LRRTM4: variants seen among roughly 807,000 people sequenced by gnomAD.
LRRTM4 encodes the protein leucine-rich repeat transmembrane neuronal protein 4.
A neutral mutation model predicts 47.6 loss-of-function variants in LRRTM4; 25 were observed. The observed-to-expected ratio is 0.53, with a 90% CI of 0.38 to 0.73. The LOEUF (loss-of-function observed/expected upper bound fraction) is 0.73. LRRTM4 is among the 30% of genes least tolerant of loss of function. The pLI is 0.00. For synonymous variants in LRRTM4, 311 were observed against 269.5 expected (o/e 1.15, Z -1.51); for missense variants, 638 against 713.4 (o/e 0.89, Z 1.20).
chr2:77,417,770 G>T (rs553847548), intron 3 of LRRTM4, among the ~76,000 whole-genome samples: 1 of 151,220 alleles, frequency 6.6e-6, no homozygotes, highest in African/African-American at 2.4e-5. Flanking sequence ...TTGTTGGGGG[G>T]GAAGGGGGGA....
chr2:77,195,996 G>T (rs1186865973), intron 3 of LRRTM4, among the ~76,000 whole-genome samples: 1 of 152,078 alleles, frequency 6.6e-6, no homozygotes, highest in Non-Finnish European at 1.5e-5. Context: ...CTGACAAGAA[G>T]AAACTAATCC....
chr2:76,790,972 C>T (rs1674940773), intron 3 of LRRTM4, among the ~76,000 whole-genome samples: 1 of 152,030 alleles, frequency 6.6e-6, no homozygotes, highest in South Asian at 2.1e-4. Flanking sequence ...ACATGGAAAA[C>T]ATGGTCCACA....
chr2:76,749,877 A>G (rs1375770176), intron 3 of LRRTM4, among the ~76,000 whole-genome samples: 1 of 152,226 alleles, frequency 6.6e-6, no homozygotes, highest in Non-Finnish European at 1.5e-5. Context: ...TTGATGAACA[A>G]TCCACAGATG....
intron 3 of LRRTM4, among the ~76,000 whole-genome samples, chr2:77,150,873 G>A (rs1298989252): frequency 6.6e-6 from 1 of 151,986 alleles, no homozygotes; most frequent in African/African-American, 2.4e-5. Flanking sequence ...CCTTGCCATA[G>A]TCTTTATTTG....
chr2:77,089,784 T>C, intron 3 of LRRTM4, among the ~76,000 whole-genome samples: 1 of 152,154 alleles, frequency 6.6e-6, no homozygotes, highest in East Asian at 1.9e-4. Context: ...TCGACAGTAG[T>C]TCCAAATAGC....
At chr2:77,148,667 G>A (rs764248599) in intron 3 of LRRTM4, among the ~76,000 whole-genome samples, 4 of 152,146 alleles carry the variant, frequency 2.6e-5, no homozygotes, top group Non-Finnish European at 4.4e-5. Context: ...TTAAAAAAGG[G>A]AATAGAAAGC....
At chr2:77,404,489 T>A (rs1159740842) in intron 3 of LRRTM4, among the ~76,000 whole-genome samples, 1 of 152,044 alleles carries the variant, frequency 6.6e-6, no homozygotes, top group East Asian at 1.9e-4. Flanking sequence ...ATGACACACT[T>A]AAATCTTTCA....
intron 3 of LRRTM4, among the ~76,000 whole-genome samples, chr2:76,894,892 T>C (rs1673363051): frequency 6.6e-6 from 1 of 151,538 alleles, no homozygotes; most frequent in Non-Finnish European, 1.5e-5. Context: ...TAGTCTCATA[T>C]CTGCACATAG....
rs1021516512 is a variant in LRRTM4 at position 77,158,630 on chromosome 2, T to G, written c.1551+359688A>C. ...TATTTTTCATATAGTCTGATAAATT[T>G]TGCTATTAAGACAAGCAGTTTGTCT... On this transcript the variant is annotated intron_variant, in intron 3 of 3. Transcript: ENST00000409884. Among the ~76,000 whole-genome samples the G allele has an allele frequency of 2.6e-5, 4 of 152,114 alleles. No individual in the cohort carries two copies. The South Asian group carries it at 8.3e-4, about 31-fold the overall frequency.
chr2:77,362,119 A>AAGAAAGAG (rs1411398747), intron 3 of LRRTM4, among the ~76,000 whole-genome samples: 16 of 101,894 alleles, frequency 1.6e-4, no homozygotes, highest in African/African-American at 4.9e-4. Context: ...GAAAGAGAGA[A>AAGAAAGAG]AGAAAGAAAG....
chr2:76,868,127 A>T (rs1428335541), intron 3 of LRRTM4, among the ~76,000 whole-genome samples: 1 of 152,232 alleles, frequency 6.6e-6, no homozygotes, highest in Non-Finnish European at 1.5e-5. Flanking sequence ...TCAGGAATGT[A>T]AAGTCATCTG....
At chr2:77,224,054 C>T (rs530884617) in intron 3 of LRRTM4, among the ~76,000 whole-genome samples, 78 of 151,052 alleles carry the variant, frequency 5.2e-4, no homozygotes, top group Non-Finnish European at 8.6e-4. Context: ...GAAATGATGC[C>T]GCATATCTAC....
chr2:77,241,470 A>G (rs1675265826), intron 3 of LRRTM4, among the ~76,000 whole-genome samples: 1 of 152,068 alleles, frequency 6.6e-6, no homozygotes, highest in African/African-American at 2.4e-5. Flanking sequence ...TAAAAATGCA[A>G]TATGATTTCT....
At chr2:77,149,098 T>C (rs1264708087) in intron 3 of LRRTM4, among the ~76,000 whole-genome samples, 1 of 152,194 alleles carries the variant, frequency 6.6e-6, no homozygotes, top group Non-Finnish European at 1.5e-5. Context: ...TAGTAAGTAC[T>C]GTGACCACTA....
intron 3 of LRRTM4, among the ~76,000 whole-genome samples, chr2:77,294,688 T>C (rs1046739959): frequency 6.6e-6 from 1 of 152,146 alleles, no homozygotes; most frequent in Non-Finnish European, 1.5e-5. Flanking sequence ...TAGATTTATG[T>C]TCTTCTCAGA....
chr2:76,907,178 G>C (rs1673873106), intron 3 of LRRTM4, among the ~76,000 whole-genome samples: 1 of 151,836 alleles, frequency 6.6e-6, no homozygotes, highest in Non-Finnish European at 1.5e-5. Context: ...TAGAACTCAG[G>C]ATTAAGAAAC....
At chr2:76,832,123 G>A (rs1474121906) in intron 3 of LRRTM4, among the ~76,000 whole-genome samples, 1 of 151,922 alleles carries the variant, frequency 6.6e-6, no homozygotes, top group African/African-American at 2.4e-5. Flanking sequence ...ATAATACACT[G>A]GCAGGAACAA....
intron 3 of LRRTM4, among the ~76,000 whole-genome samples, chr2:77,430,460 G>A (rs1440464417): frequency 1.3e-5 from 2 of 152,214 alleles, no homozygotes; most frequent in East Asian, 1.9e-4. Context: ...AGCGGCTCAT[G>A]GCTGTAATCC....
At chr2:77,501,959 G>A (rs892221792) in intron 3 of LRRTM4, among the ~76,000 whole-genome samples, 2 of 151,188 alleles carry the variant, frequency 1.3e-5, no homozygotes. Context: ...TAAATGTTGA[G>A]GTGAGAAAAT....
Sources: gnomAD v4.1 joint callset for allele counts (sites outside exome capture counted in the v4.1 genomes callset) on GRCh38, gnomAD v4.1.1 for gene constraint, MANE v1.5 for transcripts, NCBI Gene and HGNC (gene_info 2026-07-23, HGNC 2026-07-21) for gene names.